Variants in PTPRD observed in about 807,000 individuals in gnomAD.
The protein encoded by PTPRD is protein tyrosine phosphatase receptor type D.
PTPRD carries 34 observed loss-of-function variants against 214.5 expected under a neutral mutation model. That is an observed-to-expected ratio of 0.16 (90% CI 0.12 to 0.21). The LOEUF (loss-of-function observed/expected upper bound fraction) is 0.21. Ranked by LOEUF, PTPRD falls within the 10% of genes least tolerant of loss-of-function variation. PTPRD has a pLI of 1.00. For missense variants in PTPRD, 2,545 were observed against 2,398.7 expected, an observed-to-expected ratio of 1.06 and a Z score of -1.27; for synonymous variants, 1,128 against 845.7, an observed-to-expected ratio of 1.33 and a Z score of -5.79.
intron 2 of PTPRD, among the ~76,000 whole-genome samples, chr9:10,539,769 G>A (rs2058681291): frequency 6.6e-6 from 1 of 152,112 alleles, no homozygotes. Flanking sequence ...ATCCGCTTTG[G>A]AGGCGGACCT....
rs75182781 is a variant in PTPRD at position 9,708,324 on chromosome 9, T to C, written c.-287+26209A>G. On this transcript the variant is annotated intron_variant, in intron 7 of 45. Coordinates refer to ENST00000381196, the MANE Select transcript of PTPRD (RefSeq NM_002839.4). ...GAATGGCAATTCTCTTCCCTCATAC[T>C]TTTGCTGGAGAGATCATCCAGGGTG... 0.013 allele frequency among the ~76,000 whole-genome samples: 1,951 copies of C among 152,138 alleles called. 119 individuals carry two copies. In the East Asian group the frequency reaches 0.14, roughly 11 times the overall value.
At chr9:8,603,217 T>C (rs572572005) in intron 14 of PTPRD, among the ~76,000 whole-genome samples, 1 of 152,312 alleles carries the variant, frequency 6.6e-6, no homozygotes, top group East Asian at 1.9e-4. Context: ...TCAGTCTTTG[T>C]AAAATCATTC....
intron 13 of PTPRD, among the ~76,000 whole-genome samples, chr9:8,635,568 CTA>C (rs1300020268): frequency 2.6e-5 from 4 of 152,052 alleles, no homozygotes; most frequent in Admixed American, 2.6e-4. Flanking sequence ...ATTAGGTTCT[CTA>C]TACATTTGAA....
At chr9:9,992,234 T>C (rs773999607) in intron 4 of PTPRD, among the ~76,000 whole-genome samples, 4 of 152,214 alleles carry the variant, frequency 2.6e-5, no homozygotes, top group Admixed American at 6.5e-5. Flanking sequence ...GATTGAACTA[T>C]ATGTGATTTA....
At chr9:9,765,191 G>A (rs904146032) in intron 6 of PTPRD, among the ~76,000 whole-genome samples, 2 of 152,096 alleles carry the variant, frequency 1.3e-5, no homozygotes, top group African/African-American at 2.4e-5. Context: ...ATCTGGGAGA[G>A]TTTTCAATTT....
intron 25 of PTPRD, 56 bp from the exon 26 acceptor site, chr9:8,497,324 A>C: frequency 6.7e-7 from 1 of 1,484,106 alleles, no homozygotes; most frequent in South Asian, 1.3e-5. Context: ...AAAGAATTTA[A>C]AGCCTTATAC....
chr9:10,088,657 G>T (rs193050980), intron 3 of PTPRD, among the ~76,000 whole-genome samples: 1 of 151,724 alleles, frequency 6.6e-6, no homozygotes, highest in Non-Finnish European at 1.5e-5. Flanking sequence ...TATTACTGAC[G>T]TTTAGCAAAA....
chr9:9,426,277 G>C (rs902389103), intron 8 of PTPRD, among the ~76,000 whole-genome samples: 2 of 152,208 alleles, frequency 1.3e-5, no homozygotes, highest in African/African-American at 4.8e-5. Context: ...ACCTGGCTCA[G>C]AGGGTCCCAC....
intron 12 of PTPRD, among the ~76,000 whole-genome samples, chr9:8,723,222 C>A (rs1263112723): frequency 1.3e-5 from 2 of 152,056 alleles, no homozygotes; most frequent in Non-Finnish European, 1.5e-5. Flanking sequence ...CTCATTCCCC[C>A]ATCTGCCTGG....
At chr9:8,829,433 G>T (rs143259111) in intron 11 of PTPRD, among the ~76,000 whole-genome samples, 1 of 152,142 alleles carries the variant, frequency 6.6e-6, no homozygotes, top group Non-Finnish European at 1.5e-5. Context: ...CTGTTCTCGA[G>T]ATTTATCATT....
At chr9:9,300,824 A>G (rs542576890) in intron 9 of PTPRD, among the ~76,000 whole-genome samples, 11 of 152,020 alleles carry the variant, frequency 7.2e-5, no homozygotes, top group African/African-American at 2.2e-4. Flanking sequence ...ATATCAATCC[A>G]TAATGACTAA....
rs755715933 is a variant in PTPRD at position 8,501,055 on chromosome 9, C to A, written c.1827G>T (p.Pro609=). ...AACTAATGTCTTGAGGAGGAGCTGA[C>A]GGCTCTTATTTTGGTAGTGAGTTAA... ...EISARTMQSK[P]SAPPQDISCT... Residue 609 remains proline (P), a synonymous_variant, in exon 24 of 46, where the codon CCG becomes CCT. Transcript: ENST00000381196. The A allele has an allele frequency of 6.2e-7, 1 of 1,609,164 alleles. No homozygotes were observed. The highest frequency in any genetic ancestry group is 1.1e-5 in the South Asian group (1 of 90,882).
rs973798440 is a variant in PTPRD at position 8,869,529 on chromosome 9, T to C, written c.-103-135583A>G. Among the ~76,000 whole-genome samples the C allele has an allele frequency of 3.3e-5, 5 of 152,250 alleles. No homozygotes were observed. The East Asian group carries it at 9.7e-4, about 29-fold the overall frequency. Reference sequence around the variant, plus strand: ...TTGATCCAGACCCTGAATCAGAAACTCTGGGCCAGCTCCCAGGAGTCAGAA... The same window carrying C: ...TTGATCCAGACCCTGAATCAGAAACCCTGGGCCAGCTCCCAGGAGTCAGAA... On this transcript the variant is annotated intron_variant, in intron 11 of 45. Transcript: ENST00000381196.
In PTPRD at chr9:10,169,473, C is replaced by CAAAA. The variant is rs59335943; in HGVS notation, c.-544-135687_-544-135684dup. 4.4e-3 allele frequency among the ~76,000 whole-genome samples: 295 copies of CAAAA among 66,688 alleles called. 8 individuals carry two copies. Among genetic ancestry groups the CAAAA allele is most frequent in the East Asian group, 0.013 (31 of 2,304 alleles). 43.7% of individuals were successfully genotyped at this position (66,688 alleles called of 152,430 possible). On this transcript the variant is annotated intron_variant, in intron 3 of 45. Coordinates refer to ENST00000381196, the MANE Select transcript of PTPRD (RefSeq NM_002839.4). Reference sequence around the variant, plus strand: ...TGGGCGAAAGAGCGAGACTCTGTCTCAAAAAAAAAAAAAAAAAAAAGCAAT... The same window carrying CAAAA: ...TGGGCGAAAGAGCGAGACTCTGTCTCAAAAAAAAAAAAAAAAAAAAAAAAGCAAT...
chr9:9,378,766 C>T (rs2140207493), intron 9 of PTPRD, among the ~76,000 whole-genome samples: 1 of 152,192 alleles, frequency 6.6e-6, no homozygotes, highest in Admixed American at 6.6e-5. Context: ...ATGACATATA[C>T]TGTGAATCAC....
chr9:9,481,856 A>C (rs10977814), intron 8 of PTPRD, among the ~76,000 whole-genome samples: 33,524 of 152,068 alleles, frequency 0.22, 4,140 homozygotes, highest in Admixed American at 0.37. Context: ...CAGTTATCTA[A>C]AGAAATACTT....
intron 11 of PTPRD, among the ~76,000 whole-genome samples, chr9:8,870,803 C>A (rs1242852069): frequency 6.6e-6 from 1 of 151,552 alleles, no homozygotes; most frequent in African/African-American, 2.4e-5. Flanking sequence ...AAGGGTGGAA[C>A]CCTCAGATCA....
chr9:8,581,428 G>A (rs1330565419), intron 14 of PTPRD, among the ~76,000 whole-genome samples: 1 of 152,056 alleles, frequency 6.6e-6, no homozygotes, highest in African/African-American at 2.4e-5. Flanking sequence ...GAGGGAAAAG[G>A]GACACATAAA....
Position 8,960,970 on chromosome 9 carries a change from T to C in PTPRD, c.-104+57727A>G, listed in dbSNP as rs528446241. Among the ~76,000 whole-genome samples the C allele has an allele frequency of 2.0e-5, 3 of 152,148 alleles. No individual in the cohort carries two copies. In the East Asian group the frequency reaches 5.8e-4, roughly 29 times the overall value. Reference sequence around the variant, plus strand: ...TGTTCCTGGGATTGCAATACAAAGATGAAAAGAAAAATTCTATTGCTTTAA... The same window carrying C: ...TGTTCCTGGGATTGCAATACAAAGACGAAAAGAAAAATTCTATTGCTTTAA... On this transcript the variant is annotated intron_variant, in intron 11 of 45. Coordinates refer to ENST00000381196, the MANE Select transcript of PTPRD (RefSeq NM_002839.4).
Sources: gnomAD v4.1 joint callset for allele counts (sites outside exome capture counted in the v4.1 genomes callset) on GRCh38, gnomAD v4.1.1 for gene constraint, MANE v1.5 for transcripts, NCBI Gene and HGNC (gene_info 2026-07-23, HGNC 2026-07-21) for gene names.